Variants in LRIG1 observed in about 807,000 individuals in gnomAD.
The protein encoded by LRIG1 is leucine rich repeats and immunoglobulin like domains 1, also known as leucine-rich repeats and immunoglobulin-like domains protein 1.
Under a neutral mutation model 99.2 loss-of-function variants are expected in LRIG1, and 48 were observed. The observed-to-expected ratio is 0.48, with a 90% CI of 0.38 to 0.62. The LOEUF is 0.62. LRIG1 is among the 20% of genes least tolerant of loss of function. The pLI is 0.00. For synonymous variants in LRIG1, 772 were observed against 596.1 expected (o/e 1.29, Z -4.30); for missense variants, 1,646 against 1,434.4 (o/e 1.15, Z -2.38).
intron 7 of LRIG1, chr3:66,409,878 G>C (rs1013414336): frequency 2.5e-6 from 1 of 407,318 alleles, no homozygotes; most frequent in East Asian, 4.1e-5. Context: ...GCTCCCTGCA[G>C]GGACCTAGCT....
At chr3:66,482,166 C>T (rs1700866585) in intron 1 of LRIG1, among the ~76,000 whole-genome samples, 1 of 152,240 alleles carries the variant, frequency 6.6e-6, no homozygotes, top group African/African-American at 2.4e-5. Context: ...CAACAGTCCC[C>T]TCCGCAACAC....
At position 66,432,075 on chromosome 3, in the gene LRIG1, C is replaced by T. The variant is rs1426944272; in HGVS notation, c.366-14809G>A. Among the ~76,000 whole-genome samples, 3 of 152,220 alleles carry T rather than the reference C, an allele frequency of 2.0e-5. No individual in the cohort carries two copies. In the East Asian group the frequency reaches 5.8e-4, roughly 29 times the overall value. ...TAGACAATGAACTTTGGGACCTAAT[C>T]CTTAAGTGCAGAGCAGACTAAGAAG... On this transcript the variant is annotated intron_variant, in intron 3 of 18. Transcript: ENST00000273261.
chr3:66,446,831 T>C (rs978341412), intron 3 of LRIG1, among the ~76,000 whole-genome samples: 1 of 150,156 alleles, frequency 6.7e-6, no homozygotes, highest in Admixed American at 6.7e-5. Context: ...TTTGTTAACA[T>C]GAGAGAAAAA....
At chr3:66,381,260 T>C (rs150712189) in intron 17 of LRIG1, among the ~76,000 whole-genome samples, 155 of 152,304 alleles carry the variant, frequency 1.0e-3, no homozygotes, top group Admixed American at 3.1e-3. Context: ...CTTATACATC[T>C]AGAAAATTCA....
At position 66,410,271 on chromosome 3, in the gene LRIG1, G is replaced by GC. The variant is rs753617486; in HGVS notation, c.792dup (p.His265AlafsTer47). On this transcript the variant is annotated frameshift_variant and splice_region_variant, in exon 7 of 19. Coordinates refer to ENST00000273261, the MANE Select transcript of LRIG1 (RefSeq NM_015541.3). LOFTEE classifies it high-confidence loss of function. ...TCTACCAGGCTGTTGTACTCCAGGT[G>GC]CCTGCAATGACAGCCATGCACAGGA... is the stretch of plus-strand genomic sequence containing the variant. The GC allele has an allele frequency of 6.2e-7, 1 of 1,603,518 alleles. No individual in the cohort carries two copies.
intron 1 of LRIG1, among the ~76,000 whole-genome samples, chr3:66,488,002 CAATA>C (rs1215575079): frequency 2.0e-5 from 3 of 151,482 alleles, no homozygotes; most frequent in African/African-American, 7.3e-5. Flanking sequence ...TTCCGGAAAA[CAATA>C]ATAAAAATAA....
chr3:66,385,318 C>A (rs978935211), intron 13 of LRIG1, among the ~76,000 whole-genome samples: 3 of 152,224 alleles, frequency 2.0e-5, no homozygotes, highest in East Asian at 1.9e-4. Flanking sequence ...GACTCCAATG[C>A]TGTGCCATCT....
chr3:66,483,792 G>A (rs1190449672), intron 1 of LRIG1, among the ~76,000 whole-genome samples: 1 of 151,860 alleles, frequency 6.6e-6, no homozygotes, highest in East Asian at 1.9e-4. Flanking sequence ...CAACAGCTGG[G>A]AAGGGCACCG....
At chr3:66,444,996 T>A (rs184623916) in intron 3 of LRIG1, among the ~76,000 whole-genome samples, 1 of 151,630 alleles carries the variant, frequency 6.6e-6, no homozygotes, top group East Asian at 2.0e-4. Context: ...GTTGTGCTGG[T>A]TTTTTTTGAC....
At chr3:66,476,421 T>TAAAA (rs1303698187) in intron 1 of LRIG1, among the ~76,000 whole-genome samples, 1 of 152,094 alleles carries the variant, frequency 6.6e-6, no homozygotes, top group Non-Finnish European at 1.5e-5. Flanking sequence ...CTTTCCCAGG[T>TAAAA]AAAAGTCAAA....
chr3:66,406,066 C>T, intron 8 of LRIG1: 2 of 986,528 alleles, frequency 2.0e-6, no homozygotes, highest in Non-Finnish European at 2.4e-6. Context: ...CGAGCCCTTG[C>T]AGACACAGGC....
At chr3:66,445,394 T>C (rs914115801) in intron 3 of LRIG1, among the ~76,000 whole-genome samples, 1 of 152,112 alleles carries the variant, frequency 6.6e-6, no homozygotes, top group African/African-American at 2.4e-5. Context: ...GGGACCTATA[T>C]ACTTGTTTTC....
At chr3:66,474,973 T>C (rs1700687165) in intron 1 of LRIG1, among the ~76,000 whole-genome samples, 1 of 152,212 alleles carries the variant, frequency 6.6e-6, no homozygotes, top group Admixed American at 6.5e-5. Context: ...TTCTAGGTAC[T>C]CCACAGCCTC....
At chr3:66,387,538 C>T (rs1701435594) in intron 12 of LRIG1, 1 of 152,106 alleles carries the variant, frequency 6.6e-6, no homozygotes, top group African/African-American at 2.4e-5. Flanking sequence ...GGAAAAGTCA[C>T]TAGGCAAGCT....
chr3:66,467,608 G>A lies in LRIG1; in HGVS notation c.219-5099C>T, dbSNP rs576703353. The stretch of plus-strand genomic sequence containing the variant: ...GATCTCCTGACCTCGTGATGTGCCC[G>A]CCTCGGCCTCCCAAAGTGCTGGGAT... On this transcript the variant is annotated intron_variant, in intron 1 of 18. Transcript: ENST00000273261. Among the ~76,000 whole-genome samples, 8 of 152,246 alleles carry A rather than the reference G, an allele frequency of 5.3e-5. No homozygotes were observed. In the South Asian group the frequency reaches 1.5e-3, roughly 28 times the overall value.
chr3:66,430,560 C>G (rs907774130), intron 3 of LRIG1, among the ~76,000 whole-genome samples: 6 of 152,190 alleles, frequency 3.9e-5, no homozygotes, highest in Non-Finnish European at 4.4e-5. Flanking sequence ...ACTGCTGACC[C>G]GAGGAAGCTG....
intron 1 of LRIG1, among the ~76,000 whole-genome samples, chr3:66,470,422 G>C (rs1228677682): frequency 6.6e-6 from 1 of 152,118 alleles, no homozygotes; most frequent in Non-Finnish European, 1.5e-5. Context: ...TGGGAAACGA[G>C]GCCAGAAAAG....
At chr3:66,431,782 C>A (rs1017477690) in intron 3 of LRIG1, among the ~76,000 whole-genome samples, 1 of 152,302 alleles carries the variant, frequency 6.6e-6, no homozygotes, top group Non-Finnish European at 1.5e-5. Flanking sequence ...CTCACAGCCA[C>A]CCTTCCATCT....
chr3:66,391,576 T>C, intron 12 of LRIG1, among the ~76,000 whole-genome samples: 1 of 152,184 alleles, frequency 6.6e-6, no homozygotes, highest in Non-Finnish European at 1.5e-5. Flanking sequence ...AGGCAAATGA[T>C]GGAGACACAA....
Sources: allele counts gnomAD v4.1 joint callset (sites outside exome capture counted in the v4.1 genomes callset), GRCh38; gene constraint gnomAD v4.1.1; transcripts MANE v1.5; gene names NCBI Gene and HGNC (gene_info 2026-07-23, HGNC 2026-07-21).